Variants in CTNNA3 observed in about 807,000 individuals in gnomAD.
CTNNA3 encodes catenin alpha-3.
Under a neutral mutation model 95.7 loss-of-function variants are expected in CTNNA3, and 76 were observed. The observed-to-expected ratio is 0.79, with a 90% CI of 0.66 to 0.96. The LOEUF (loss-of-function observed/expected upper bound fraction) is 0.96, where lower values mean the gene tolerates loss of function less well. Ranked by LOEUF, CTNNA3 falls within the 40% of genes least tolerant of loss-of-function variation. The pLI is 0.00. For missense variants in CTNNA3, 1,191 were observed against 1,089.8 expected (o/e 1.09, Z -1.31); for synonymous variants, 431 against 374.4 (o/e 1.15, Z -1.74).
chr10:66,188,593 CTCTGTGTG>C (rs1314908574), intron 13 of CTNNA3, among the ~76,000 whole-genome samples: 15,347 of 103,846 alleles, frequency 0.15, 1,369 homozygotes, highest in African/African-American at 0.32. Context: ...GAGGGGGGGT[CTCTGTGTG>C]TGTGTGTGTG....
At chr10:66,879,925 C>T (rs1844779629) in intron 7 of CTNNA3, among the ~76,000 whole-genome samples, 1 of 152,004 alleles carries the variant, frequency 6.6e-6, no homozygotes, top group African/African-American at 2.4e-5. Context: ...TTACCTGACA[C>T]ATACTGGGAA....
rs941817988 is a variant in CTNNA3, at chr10:65,919,572, C to T, written c.*758G>A. 2.6e-5 allele frequency: 4 copies of T among 152,228 alleles called. No homozygotes were observed. The highest frequency in any genetic ancestry group is 2.1e-4 in the South Asian group (1 of 4,826). The allele number at this position is 152,228 out of a possible 1,614,324, so 9.4% of individuals were successfully genotyped here. ...ATAACTCTTCTTTCACATATGTATT[C>T]GGATAGGCCTAACACTCAAAAGTAC... On this transcript the variant is annotated 3_prime_UTR_variant, in exon 18 of 18. Transcript: ENST00000433211.
At chr10:67,542,942 A>G (rs1356959080) in intron 3 of CTNNA3, among the ~76,000 whole-genome samples, 2 of 152,132 alleles carry the variant, frequency 1.3e-5, no homozygotes, top group Non-Finnish European at 2.9e-5. Flanking sequence ...CTACATGTGG[A>G]GAGTCTACTC....
chr10:66,298,748 C>T (rs371118676), intron 12 of CTNNA3, among the ~76,000 whole-genome samples: 4 of 152,096 alleles, frequency 2.6e-5, no homozygotes, highest in East Asian at 1.9e-4. Flanking sequence ...TGTCTTTCCT[C>T]GGATTTTGAA....
At chr10:67,052,846 A>G (rs1244247427) in intron 7 of CTNNA3, 4 of 152,244 alleles carry the variant, frequency 2.6e-5, no homozygotes. Context: ...AAAACAAAAA[A>G]TAAATGTTTA....
At chr10:67,561,289 T>C (rs1419483561) in intron 3 of CTNNA3, among the ~76,000 whole-genome samples, 1 of 120,712 alleles carries the variant, frequency 8.3e-6, no homozygotes, top group Non-Finnish European at 1.6e-5. Flanking sequence ...ACAAACTGTC[T>C]CTCAGACCAC....
At chr10:67,640,697 G>A (rs1204485245) in intron 2 of CTNNA3, among the ~76,000 whole-genome samples, 2 of 152,020 alleles carry the variant, frequency 1.3e-5, no homozygotes, top group African/African-American at 2.4e-5. Context: ...CAGAAATAAT[G>A]CCACACAAGT....
intron 15 of CTNNA3, among the ~76,000 whole-genome samples, chr10:66,060,456 A>T (rs186460210): frequency 1.5e-4 from 23 of 152,178 alleles, no homozygotes; most frequent in African/African-American, 5.1e-4. Context: ...ATTTCTAAAG[A>T]CTTAAACACA....
At chr10:67,258,395 T>C (rs2132381836) in intron 5 of CTNNA3, among the ~76,000 whole-genome samples, 1 of 152,226 alleles carries the variant, frequency 6.6e-6, no homozygotes, top group East Asian at 1.9e-4. Flanking sequence ...CCACTCGCCA[T>C]GACCTCCCAA....
At chr10:66,444,247 T>C (rs1442640543) in intron 11 of CTNNA3, among the ~76,000 whole-genome samples, 2 of 152,120 alleles carry the variant, frequency 1.3e-5, no homozygotes, top group East Asian at 3.9e-4. Flanking sequence ...TGGAAAACAC[T>C]CTGCAGGATA....
intron 10 of CTNNA3, among the ~76,000 whole-genome samples, chr10:66,619,806 CATAAT>C (rs894498842): frequency 1.3e-5 from 2 of 151,710 alleles, no homozygotes; most frequent in Admixed American, 1.3e-4. Context: ...CAAGTGCAAA[CATAAT>C]ATAATGTTTA....
At chr10:66,375,691 A>G (rs2092791764) in intron 12 of CTNNA3, among the ~76,000 whole-genome samples, 1 of 152,202 alleles carries the variant, frequency 6.6e-6, no homozygotes, top group Non-Finnish European at 1.5e-5. Context: ...AACTGCTATT[A>G]AAGTTTTTTC....
intron 10 of CTNNA3, among the ~76,000 whole-genome samples, chr10:66,568,039 T>C (rs943516320): frequency 3.9e-5 from 6 of 152,208 alleles, no homozygotes; most frequent in African/African-American, 1.2e-4. Context: ...ATGGCTTTAC[T>C]TTCATTTGCT....
intron 11 of CTNNA3, among the ~76,000 whole-genome samples, chr10:66,415,119 T>G (rs2394209): frequency 1.3e-5 from 2 of 151,818 alleles, no homozygotes; most frequent in Non-Finnish European, 2.9e-5. Context: ...CATTCCACAA[T>G]GACTTGGGGA....
At chr10:66,121,474 A>C (rs2082570058) in intron 13 of CTNNA3, among the ~76,000 whole-genome samples, 1 of 152,088 alleles carries the variant, frequency 6.6e-6, no homozygotes, top group Admixed American at 6.6e-5. Context: ...ACATACACAC[A>C]CACACACACT....
At position 66,834,747 on chromosome 10, in the gene CTNNA3, T is replaced by C. The variant is rs568461223; in HGVS notation, c.1048-59223A>G. Among the ~76,000 whole-genome samples the C allele has an allele frequency of 3.9e-5, 6 of 152,338 alleles. No homozygotes were observed. In the South Asian group the frequency reaches 1.2e-3, roughly 32 times the overall value. On this transcript the variant is annotated intron_variant, in intron 7 of 17. Coordinates refer to ENST00000433211, the MANE Select transcript of CTNNA3 (RefSeq NM_013266.4). Reference sequence around the variant, plus strand: ...AGGCATGCAAGGCCTGCTAGAGCTCTCGTGAAAATCTTTTAAATCTTTTCA... The same window carrying C: ...AGGCATGCAAGGCCTGCTAGAGCTCCCGTGAAAATCTTTTAAATCTTTTCA...
intron 7 of CTNNA3, among the ~76,000 whole-genome samples, chr10:67,111,486 T>A (rs1325951185): frequency 6.6e-6 from 1 of 152,104 alleles, no homozygotes; most frequent in Non-Finnish European, 1.5e-5. Context: ...ATTTAGGACT[T>A]TCACAAATCC....
intron 10 of CTNNA3, among the ~76,000 whole-genome samples, chr10:66,533,180 TA>T (rs1841530757): frequency 6.6e-6 from 1 of 152,178 alleles, no homozygotes. Flanking sequence ...TCTCTAGCAT[TA>T]TTTCCTATCA....
intron 7 of CTNNA3, among the ~76,000 whole-genome samples, chr10:66,956,027 A>G (rs569788319): frequency 1.3e-5 from 2 of 152,256 alleles, no homozygotes; most frequent in Admixed American, 6.5e-5. Flanking sequence ...AATTCTGCAG[A>G]AGCTGACAAA....
Sources: allele counts gnomAD v4.1 joint callset (sites outside exome capture counted in the v4.1 genomes callset), GRCh38; gene constraint gnomAD v4.1.1; transcripts MANE v1.5; gene names NCBI Gene and HGNC (gene_info 2026-07-23, HGNC 2026-07-21).